The following ARHGEF26 variants were observed in gnomAD, a reference collection of about 807,000 sequenced individuals.
ARHGEF26 encodes the protein Rho guanine nucleotide exchange factor (GEF) 26.
ARHGEF26 carries 59 observed loss-of-function variants against 89.4 expected under a neutral mutation model. The observed-to-expected ratio is 0.66, with a 90% CI of 0.54 to 0.82. ARHGEF26 has a LOEUF of 0.82. Ranked by LOEUF, ARHGEF26 falls within the 40% of genes least tolerant of loss-of-function variation. The pLI is 0.00. For missense variants in ARHGEF26, 1,234 were observed against 1,085.6 expected (o/e 1.14, Z -1.92); for synonymous variants, 500 against 428.4 (o/e 1.17, Z -2.06).
intron 11 of ARHGEF26, among the ~76,000 whole-genome samples, chr3:154,228,305 T>A (rs1406011209): frequency 6.6e-6 from 1 of 151,810 alleles, no homozygotes; most frequent in Non-Finnish European, 1.5e-5. Flanking sequence ...GCCTGGCTAA[T>A]TTTGTATTTT....
rs867350873 is a variant in ARHGEF26, at chr3:154,246,654, G to C, written c.2300+6075G>C. On this transcript the variant is annotated intron_variant, in intron 12 of 14. Transcript: ENST00000465093. Reference sequence around the variant, plus strand: ...GTTCCAGGAACAACAGGGGCCCTGGGGACAGAAGTTTCAGTGGGGCAAACA... The same window carrying C: ...GTTCCAGGAACAACAGGGGCCCTGGCGACAGAAGTTTCAGTGGGGCAAACA... Among the ~76,000 whole-genome samples the C allele has an allele frequency of 7.9e-5, 12 of 152,274 alleles. No homozygotes were observed. The South Asian group carries it at 8.3e-4, about 11-fold the overall frequency.
At chr3:154,124,995 G>C (rs1411671443) in intron 3 of ARHGEF26, among the ~76,000 whole-genome samples, 1 of 147,824 alleles carries the variant, frequency 6.8e-6, no homozygotes, top group Admixed American at 6.7e-5. Context: ...AAAAAAAGCA[G>C]CTTCAACCAG....
At chr3:154,219,120 A>G (rs1156900767) in intron 10 of ARHGEF26, among the ~76,000 whole-genome samples, 1 of 152,214 alleles carries the variant, frequency 6.6e-6, no homozygotes, top group Non-Finnish European at 1.5e-5. Context: ...TAAAAAACCC[A>G]TCTTTCTCCC....
intron 9 of ARHGEF26, among the ~76,000 whole-genome samples, chr3:154,195,801 G>GA (rs1486191330): frequency 6.6e-6 from 1 of 152,132 alleles, no homozygotes; most frequent in East Asian, 1.9e-4. Flanking sequence ...GACAATAGTT[G>GA]AAGCTGGGTG....
chr3:154,172,678 A>C (rs1432168305), intron 6 of ARHGEF26, among the ~76,000 whole-genome samples: 1 of 152,186 alleles, frequency 6.6e-6, no homozygotes, highest in African/African-American at 2.4e-5. Context: ...TGGGCAACAG[A>C]GCAAGACTCT....
intron 7 of ARHGEF26, among the ~76,000 whole-genome samples, chr3:154,188,146 C>CT (rs1416993029): frequency 1.3e-5 from 2 of 152,114 alleles, no homozygotes; most frequent in Non-Finnish European, 2.9e-5. Context: ...GTTTTCTAAG[C>CT]TTTTTACTGG....
intron 12 of ARHGEF26, among the ~76,000 whole-genome samples, chr3:154,244,091 A>G (rs774706258): frequency 3.3e-5 from 5 of 152,186 alleles, no homozygotes; most frequent in Admixed American, 6.5e-5. Context: ...TGAAAAAACA[A>G]GGTTTGCACT....
intron 4 of ARHGEF26, among the ~76,000 whole-genome samples, chr3:154,142,530 A>T (rs1719445506): frequency 6.6e-6 from 1 of 152,184 alleles, no homozygotes; most frequent in South Asian, 2.1e-4. Flanking sequence ...TTTTTCAGAA[A>T]CAGATTTTGC....
At chr3:154,135,589 G>A (rs965532459) in intron 4 of ARHGEF26, among the ~76,000 whole-genome samples, 2 of 152,140 alleles carry the variant, frequency 1.3e-5, no homozygotes, top group African/African-American at 4.8e-5. Context: ...CTGCACGCAG[G>A]TAAATCACCG....
chr3:154,255,345 G>T lies in ARHGEF26; in HGVS notation c.2488G>T (p.Glu830Ter), dbSNP rs1365685257. ...QRVSDGWYEG[E>*]RLRDGERGWF... ...CTTTTTCACAGGCTGGTATGAGGGG[G>T]AACGACTACGAGATGGAGAAAGAGG... Residue 830 changes from glutamate to a stop codon, truncating the protein, a stop_gained, in exon 15 of 15, where the codon GAA becomes TAA. Coordinates refer to ENST00000465093, the MANE Select transcript of ARHGEF26 (RefSeq NM_015595.4). LOFTEE classifies it high-confidence loss of function. 1.2e-6 allele frequency: 2 copies of T among 1,613,110 alleles called. No individual in the cohort carries two copies. The highest frequency in any genetic ancestry group is 1.7e-5 in the Admixed American group (1 of 59,942).
At chr3:154,214,181 A>G (rs1387233907) in intron 9 of ARHGEF26, among the ~76,000 whole-genome samples, 2 of 152,226 alleles carry the variant, frequency 1.3e-5, no homozygotes, top group Non-Finnish European at 2.9e-5. Context: ...GCACCAGATC[A>G]TGAAGGGTCT....
intron 6 of ARHGEF26, among the ~76,000 whole-genome samples, chr3:154,170,149 C>T (rs1461852379): frequency 1.3e-5 from 2 of 151,772 alleles, no homozygotes; most frequent in African/African-American, 4.8e-5. Flanking sequence ...ATTGCTTGAG[C>T]CCAGGAGTTC....
chr3:154,234,927 G>A (rs911065390), intron 11 of ARHGEF26, among the ~76,000 whole-genome samples: 32 of 152,102 alleles, frequency 2.1e-4, no homozygotes, highest in Admixed American at 3.9e-4. Flanking sequence ...CACCGCGCCC[G>A]GCTAATTTTT....
intron 9 of ARHGEF26, among the ~76,000 whole-genome samples, chr3:154,205,509 A>G (rs1221556263): frequency 1.3e-5 from 2 of 151,986 alleles, no homozygotes; most frequent in Non-Finnish European, 1.5e-5. Context: ...TTTACATTCA[A>G]TGTTATTATT....
chr3:154,172,193 G>T (rs1712493256), intron 6 of ARHGEF26, among the ~76,000 whole-genome samples: 1 of 152,180 alleles, frequency 6.6e-6, no homozygotes, highest in Admixed American at 6.5e-5. Context: ...GTCATGGCAT[G>T]GCCCCTGTGC....
At chr3:154,203,409 A>G (rs1393849543) in intron 9 of ARHGEF26, among the ~76,000 whole-genome samples, 1 of 152,018 alleles carries the variant, frequency 6.6e-6, no homozygotes, top group African/African-American at 2.4e-5. Context: ...CCAGTATTTT[A>G]TTGAGATCTT....
chr3:154,157,900 G>C (rs1209893230), intron 6 of ARHGEF26, among the ~76,000 whole-genome samples: 2 of 152,116 alleles, frequency 1.3e-5, no homozygotes, highest in African/African-American at 4.8e-5. Flanking sequence ...TCTTCAGTAG[G>C]GATGTCAATT....
At position 154,122,147 on chromosome 3, in the gene ARHGEF26, C is replaced by A; in HGVS notation, c.155C>A (p.Pro52Gln). 2 of 1,600,948 alleles carry A rather than the reference C, an allele frequency of 1.2e-6. No individual in the cohort carries two copies. Among genetic ancestry groups the A allele is most frequent in the Non-Finnish European group, 1.7e-6 (2 of 1,173,748 alleles). Residue 52 changes from proline (P) to glutamine (Q), a missense_variant, in exon 2 of 15, where the codon CCG (proline) becomes CAG (glutamine). By Grantham distance (76) the Pro-to-Gln change is moderately conservative. Coordinates refer to ENST00000465093, the MANE Select transcript of ARHGEF26 (RefSeq NM_015595.4). ...AACGGGTTACTAATTACGGATTTCC[C>A]GGTGGAGGACGGAGGGACGCTCCTC... ...SPNGLLITDF[P>Q]VEDGGTLLAA...
chr3:154,247,438 C>T (rs993172013), intron 12 of ARHGEF26, among the ~76,000 whole-genome samples: 6 of 152,174 alleles, frequency 3.9e-5, no homozygotes, highest in African/African-American at 9.7e-5. Context: ...CTTCCTAGGT[C>T]AACCACATGG....
Sources: allele counts gnomAD v4.1 joint callset (sites outside exome capture counted in the v4.1 genomes callset), GRCh38; gene constraint gnomAD v4.1.1; transcripts MANE v1.5; gene names NCBI Gene and HGNC (gene_info 2026-07-23, HGNC 2026-07-21).